The following INTU variants were observed in gnomAD, a reference collection of about 807,000 sequenced individuals.
INTU encodes protein inturned.
A neutral mutation model predicts 100.5 loss-of-function variants in INTU; 68 were observed. The ratio of observed to expected loss-of-function variants is 0.68; its 90% confidence interval spans 0.56 to 0.83. INTU has a LOEUF of 0.83. Among genes scored for constraint, INTU ranks in the 40% least tolerant of loss-of-function variants. INTU has a pLI of 0.00. For missense variants in INTU, 1,071 were observed against 1,114.7 expected, an observed-to-expected ratio of 0.96 and a Z score of 0.56; for synonymous variants, 357 against 395.7, an observed-to-expected ratio of 0.90 and a Z score of 1.16.
At position 127,723,972 on chromosome 4, in the gene INTU, CA is replaced by C. The variant is rs10714259; in HGVS notation, c.*7547del. Reference sequence around the variant, plus strand: ...TGGGCAACACAGTGAGACCCTGTCTCAAAAAAAAAAATCACATTCAAGTATA... The same window carrying C: ...TGGGCAACACAGTGAGACCCTGTCTCAAAAAAAAAATCACATTCAAGTATA... On this transcript the variant is annotated 3_prime_UTR_variant, in exon 16 of 16. Coordinates refer to ENST00000335251, the MANE Select transcript of INTU (RefSeq NM_015693.4). 80,582 of 148,902 alleles carry C rather than the reference CA, an allele frequency of 0.54. 21,910 individuals are homozygous for C. The highest frequency in any genetic ancestry group is 0.68 in the Middle Eastern group (201 of 294). The allele number at this position is 148,902 out of a possible 1,614,324, so 9.2% of individuals were successfully genotyped here. A position where few individuals can be genotyped will look rare whatever the true frequency, so the allele number is the denominator to read the frequency against.
chr4:127,638,154 C>T (rs972908841), intron 1 of INTU, among the ~76,000 whole-genome samples: 36 of 152,148 alleles, frequency 2.4e-4, no homozygotes, highest in African/African-American at 8.4e-4. Context: ...AAAGCATAGG[C>T]AGGCAAGTGC....
At chr4:127,697,412 A>C (rs1201368718) in intron 8 of INTU, among the ~76,000 whole-genome samples, 1 of 151,786 alleles carries the variant, frequency 6.6e-6, no homozygotes, top group Non-Finnish European at 1.5e-5. Flanking sequence ...GACTCCTCTT[A>C]TCTGTGATTG....
intron 14 of INTU, among the ~76,000 whole-genome samples, chr4:127,712,471 G>C (rs1050904915): frequency 6.6e-6 from 1 of 151,944 alleles, no homozygotes; most frequent in East Asian, 1.9e-4. Flanking sequence ...TAAACATTGA[G>C]GTACCTACTC....
At chr4:127,653,644 A>C (rs1288977013) in intron 2 of INTU, among the ~76,000 whole-genome samples, 1 of 151,184 alleles carries the variant, frequency 6.6e-6, no homozygotes, top group Non-Finnish European at 1.5e-5. Flanking sequence ...ACTTCCAACT[A>C]TGTGGTCAAT....
At chr4:127,660,886 A>T (rs1728446892) in intron 3 of INTU, among the ~76,000 whole-genome samples, 1 of 152,214 alleles carries the variant, frequency 6.6e-6, no homozygotes, top group African/African-American at 2.4e-5. Context: ...CCTATAAAAC[A>T]TATAATATCC....
chr4:127,658,770 A>G (rs1728347674), intron 3 of INTU, among the ~76,000 whole-genome samples: 1 of 152,218 alleles, frequency 6.6e-6, no homozygotes, highest in Non-Finnish European at 1.5e-5. Flanking sequence ...TTAGGATTTA[A>G]TATTTTGGAC....
At chr4:127,709,431 A>G (rs1397338368) in intron 13 of INTU, among the ~76,000 whole-genome samples, 1 of 152,074 alleles carries the variant, frequency 6.6e-6, no homozygotes, top group African/African-American at 2.4e-5. Context: ...GTCCCATAAC[A>G]CTCTCTTTAG....
At chr4:127,646,675 A>G (rs1183190087) in intron 2 of INTU, among the ~76,000 whole-genome samples, 14 of 152,192 alleles carry the variant, frequency 9.2e-5, no homozygotes, top group Admixed American at 9.2e-4. Flanking sequence ...GAAAGGCAGG[A>G]TAAATGTCTG....
intron 8 of INTU, among the ~76,000 whole-genome samples, chr4:127,693,427 C>T (rs1383439186): frequency 6.6e-6 from 1 of 152,074 alleles, no homozygotes; most frequent in Admixed American, 6.6e-5. Flanking sequence ...AATTTTGTAT[C>T]CTGAAACTTT....
intron 2 of INTU, among the ~76,000 whole-genome samples, chr4:127,650,792 C>A (rs972020449): frequency 4.0e-5 from 6 of 151,702 alleles, no homozygotes; most frequent in African/African-American, 1.5e-4. Context: ...TGAGGAATCG[C>A]CACACTGACT....
At chr4:127,703,707 T>C (rs568973253) in intron 9 of INTU, among the ~76,000 whole-genome samples, 3 of 152,300 alleles carry the variant, frequency 2.0e-5, no homozygotes, top group African/African-American at 7.2e-5. Context: ...TTATCTCTAA[T>C]TTTTCCATAT....
intron 9 of INTU, among the ~76,000 whole-genome samples, chr4:127,701,441 A>G (rs534344014): frequency 6.6e-6 from 1 of 152,330 alleles, no homozygotes; most frequent in South Asian, 2.1e-4. Flanking sequence ...GATGAGGCTG[A>G]ATCTATTCAT....
At chr4:127,705,307 G>C (rs1730830853) in intron 10 of INTU, among the ~76,000 whole-genome samples, 1 of 152,122 alleles carries the variant, frequency 6.6e-6, no homozygotes, top group Non-Finnish European at 1.5e-5. Context: ...TCCATTCTCA[G>C]AATTCAGTTA....
intron 9 of INTU, 78 bp from the exon 10 acceptor site, chr4:127,704,150 T>C: frequency 8.5e-7 from 1 of 1,176,382 alleles, no homozygotes; most frequent in Non-Finnish European, 1.2e-6. Context: ...TAATTTTCAT[T>C]TTAACTATTA....
At chr4:127,678,773 C>G (rs192018195) in intron 6 of INTU, among the ~76,000 whole-genome samples, 2,080 of 152,150 alleles carry the variant, frequency 0.014, 18 homozygotes, top group South Asian at 0.038. Context: ...AATGTAAATG[C>G]ACTAAATGCT....
At chr4:127,670,014 A>T (rs1728853413) in intron 5 of INTU, among the ~76,000 whole-genome samples, 1 of 151,912 alleles carries the variant, frequency 6.6e-6, no homozygotes, top group Non-Finnish European at 1.5e-5. Context: ...TTGATGTCAA[A>T]TAATTTTATA....
At chr4:127,672,380 C>G (rs1037604146) in intron 5 of INTU, among the ~76,000 whole-genome samples, 3 of 151,420 alleles carry the variant, frequency 2.0e-5, no homozygotes, top group African/African-American at 7.3e-5. Flanking sequence ...CTATTTGTGA[C>G]TGGCTTCTTT....
Position 127,710,938 on chromosome 4 carries a change from CT to C in INTU, c.2399del (p.Phe800SerfsTer6). 1.3e-6 allele frequency: 2 copies of C among 1,514,906 alleles called. No homozygotes were observed. The highest frequency in any genetic ancestry group is 1.8e-6 in the Non-Finnish European group (2 of 1,115,968). 93.8% of individuals were successfully genotyped at this position (1,514,906 alleles called of 1,614,324 possible). On this transcript the variant is annotated frameshift_variant, in exon 14 of 16. Transcript: ENST00000335251. LOFTEE classifies it high-confidence loss of function. ...ACTGACATCTGGTCCTGAGAACACA[CT>C]TTTCCACTACGTTGCCTTAGAAACA... ...VKLTSGPENT[L>X]FHYVALETVQ...
chr4:127,723,387 T>A lies in INTU; in HGVS notation c.*6951T>A, dbSNP rs1731374831. On this transcript the variant is annotated 3_prime_UTR_variant, in exon 16 of 16. Coordinates refer to ENST00000335251, the MANE Select transcript of INTU (RefSeq NM_015693.4). ...GACCATCTGGGCTCTCTGTTCTACT[T>A]TTTTTTTTTTTTTTTTTGCCTCTTG... The A allele has an allele frequency of 6.9e-6, 1 of 144,426 alleles. No homozygotes were observed. Among genetic ancestry groups the A allele is most frequent in the Non-Finnish European group, 1.5e-5 (1 of 65,456 alleles). 8.9% of individuals were successfully genotyped at this position (144,426 alleles called of 1,614,324 possible). A position where few individuals can be genotyped will look rare whatever the true frequency, so the allele number is the denominator to read the frequency against.
Sources: allele counts gnomAD v4.1 joint callset (sites outside exome capture counted in the v4.1 genomes callset), GRCh38; gene constraint gnomAD v4.1.1; transcripts MANE v1.5; gene names NCBI Gene and HGNC (gene_info 2026-07-23, HGNC 2026-07-21).